The following TAFA1 variants were observed in gnomAD, a reference collection of about 807,000 sequenced individuals.
The protein encoded by TAFA1 is TAFA chemokine like family member 1.
A neutral mutation model predicts 18.5 loss-of-function variants in TAFA1; 4 were observed. The observed-to-expected ratio is 0.22, with a 90% CI of 0.11 to 0.49. The LOEUF (loss-of-function observed/expected upper bound fraction) is 0.49, where lower values mean the gene tolerates loss of function less well. Among genes scored for constraint, TAFA1 ranks in the 20% least tolerant of loss-of-function variants. The pLI, the probability that TAFA1 is intolerant of heterozygous loss-of-function variation, is 0.98. For synonymous variants in TAFA1, 56 were observed against 55.2 expected, an observed-to-expected ratio of 1.01 and a Z score of -0.06; for missense variants, 147 against 169.0, an observed-to-expected ratio of 0.87 and a Z score of 0.72.
intron 2 of TAFA1, among the ~76,000 whole-genome samples, chr3:68,411,707 C>A (rs1036788054): frequency 2.0e-5 from 3 of 151,936 alleles, no homozygotes; most frequent in Non-Finnish European, 4.4e-5. Flanking sequence ...GTAACTGAGC[C>A]CCCTTGGATA....
intron 2 of TAFA1, among the ~76,000 whole-genome samples, chr3:68,318,464 C>T (rs1213018086): frequency 6.6e-6 from 1 of 152,146 alleles, no homozygotes; most frequent in Non-Finnish European, 1.5e-5. Context: ...TCTTTAAAGT[C>T]GCCAAGCTTG....
intron 2 of TAFA1, among the ~76,000 whole-genome samples, chr3:68,098,783 C>T (rs2065115715): frequency 6.6e-6 from 1 of 152,110 alleles, no homozygotes; most frequent in Non-Finnish European, 1.5e-5. Flanking sequence ...ACTGGTACAA[C>T]ATGGTACGGG....
chr3:68,281,429 A>C (rs552076714), intron 2 of TAFA1, among the ~76,000 whole-genome samples: 1 of 150,532 alleles, frequency 6.6e-6, no homozygotes, highest in African/African-American at 2.4e-5. Context: ...GTTATTTAAG[A>C]TAGTTTGATT....
intron 3 of TAFA1, among the ~76,000 whole-genome samples, chr3:68,462,871 A>G (rs758106718): frequency 6.6e-6 from 1 of 152,190 alleles, no homozygotes; most frequent in Non-Finnish European, 1.5e-5. Context: ...TTTAGCTGTC[A>G]TTGGTAGGAA....
chr3:68,056,515 G>A (rs1444888496), intron 2 of TAFA1, among the ~76,000 whole-genome samples: 1 of 152,108 alleles, frequency 6.6e-6, no homozygotes, highest in Non-Finnish European at 1.5e-5. Flanking sequence ...GTTTATTTTG[G>A]AGATGCAAAA....
chr3:68,276,342 C>T (rs746123395), intron 2 of TAFA1, among the ~76,000 whole-genome samples: 12 of 152,142 alleles, frequency 7.9e-5, no homozygotes, highest in African/African-American at 1.2e-4. Context: ...CATCGTTAGT[C>T]GCTACTCAAT....
intron 3 of TAFA1, among the ~76,000 whole-genome samples, chr3:68,527,564 T>C (rs1268414796): frequency 6.6e-6 from 1 of 152,170 alleles, no homozygotes; most frequent in East Asian, 1.9e-4. Flanking sequence ...AGTCTTCTTA[T>C]GGTCACACTC....
intron 2 of TAFA1, among the ~76,000 whole-genome samples, chr3:68,101,295 A>G (rs1054750418): frequency 3.3e-5 from 5 of 150,374 alleles, no homozygotes; most frequent in Admixed American, 6.6e-5. Flanking sequence ...TTTATATTAT[A>G]TTTTTAAAAT....
intron 2 of TAFA1, among the ~76,000 whole-genome samples, chr3:68,397,170 G>T (rs2106733865): frequency 6.6e-6 from 1 of 152,180 alleles, no homozygotes; most frequent in East Asian, 1.9e-4. Context: ...TTTACTTTAA[G>T]TTCCGAGTAC....
intron 3 of TAFA1, among the ~76,000 whole-genome samples, chr3:68,456,106 G>A (rs1333150509): frequency 6.6e-6 from 1 of 152,086 alleles, no homozygotes; most frequent in Non-Finnish European, 1.5e-5. Context: ...GGTACTTCCT[G>A]ACTTCAGGGA....
chr3:68,120,237 CTTTCTTTCTTTCTTTCTTTCTTTCT>C (rs2065380824), intron 2 of TAFA1, among the ~76,000 whole-genome samples: 1 of 100,600 alleles, frequency 9.9e-6, no homozygotes, highest in Non-Finnish European at 2.0e-5. Flanking sequence ...TTCTTTCTTT[CTTTCTTTCTTTCTTTCTTTCTTTCT>C]TTTTTGAGAC....
intron 3 of TAFA1, among the ~76,000 whole-genome samples, chr3:68,434,039 T>C (rs567301332): frequency 1.5e-4 from 23 of 152,192 alleles, no homozygotes; most frequent in African/African-American, 5.1e-4. Flanking sequence ...TAAAAGGATA[T>C]CAGAGAAAAG....
At chr3:68,266,310 T>C (rs2067545822) in intron 2 of TAFA1, among the ~76,000 whole-genome samples, 1 of 152,142 alleles carries the variant, frequency 6.6e-6, no homozygotes, top group Non-Finnish European at 1.5e-5. Flanking sequence ...GATTGAGATA[T>C]AAAATACCTT....
At chr3:68,198,405 A>C (rs1260894905) in intron 2 of TAFA1, among the ~76,000 whole-genome samples, 1 of 151,600 alleles carries the variant, frequency 6.6e-6, no homozygotes. Flanking sequence ...CAATTAGTGA[A>C]TCTTATGGTG....
At chr3:68,269,085 AC>A (rs1458217273) in intron 2 of TAFA1, among the ~76,000 whole-genome samples, 8 of 151,990 alleles carry the variant, frequency 5.3e-5, no homozygotes, top group African/African-American at 1.2e-4. Flanking sequence ...CAAAGAACAA[AC>A]TTTTGCTGAA....
chr3:68,249,520 G>A (rs753950590), intron 2 of TAFA1, among the ~76,000 whole-genome samples: 14 of 152,154 alleles, frequency 9.2e-5, no homozygotes, highest in Non-Finnish European at 1.6e-4. Context: ...CATAAGAAGA[G>A]TGGTGTTTCC....
intron 2 of TAFA1, among the ~76,000 whole-genome samples, chr3:68,058,762 T>C (rs1559720625): frequency 6.6e-6 from 1 of 152,298 alleles, no homozygotes; most frequent in East Asian, 1.9e-4. Context: ...TTTTCAGACG[T>C]GTAAAAGCTA....
At chr3:68,303,972 G>T (rs1057106713) in intron 2 of TAFA1, among the ~76,000 whole-genome samples, 1 of 152,156 alleles carries the variant, frequency 6.6e-6, no homozygotes, top group African/African-American at 2.4e-5. Flanking sequence ...ACCATACAGT[G>T]CTTGCTTAAC....
chr3:68,063,296 T>C lies in TAFA1; in HGVS notation c.118+56552T>C, dbSNP rs2064629598. 2.0e-5 allele frequency among the ~76,000 whole-genome samples: 3 copies of C among 152,318 alleles called. No individual in the cohort carries two copies. The South Asian group carries it at 6.2e-4, about 32-fold the overall frequency. On this transcript the variant is annotated intron_variant, in intron 2 of 4. Transcript: ENST00000478136. ...CCCAGGCCCCAGTCACTGAGCTACA[T>C]ACTTTCCCTTCTTGAGCTAACGGTG...
Sources: gnomAD v4.1 joint callset for allele counts (sites outside exome capture counted in the v4.1 genomes callset) on GRCh38, gnomAD v4.1.1 for gene constraint, MANE v1.5 for transcripts, NCBI Gene and HGNC (gene_info 2026-07-23, HGNC 2026-07-21) for gene names.